The following CEP95 variants were observed in gnomAD, a reference collection of about 807,000 sequenced individuals.
CEP95 encodes centrosomal protein of 95 kDa.
In CEP95, 98 loss-of-function variants were observed where a neutral mutation model predicts 111.2. That is an observed-to-expected ratio of 0.88 (90% CI 0.75 to 1.04). CEP95 has a LOEUF of 1.04. Among genes scored for constraint, CEP95 ranks in the 50% least tolerant of loss-of-function variants. The probability of loss-of-function intolerance (pLI) is 0.00; values close to 1 mark genes in which losing one functional copy is unlikely to be tolerated. For missense variants in CEP95, 1,027 were observed against 977.2 expected, an observed-to-expected ratio of 1.05 and a Z score of -0.68; for synonymous variants, 323 against 327.1, an observed-to-expected ratio of 0.99 and a Z score of 0.14.
chr17:64,524,195 TGGCAG>T (rs1967608391), intron 8 of CEP95, among the ~76,000 whole-genome samples: 2 of 152,194 alleles, frequency 1.3e-5, no homozygotes, highest in Non-Finnish European at 2.9e-5. Flanking sequence ...TTGACCTGGG[TGGCAG>T]TTAAAGGGGA....
At chr17:64,536,413 CA>C (rs1968657831) in intron 17 of CEP95, 188 bp from the exon 18 acceptor site, 2 of 409,308 alleles carry the variant, frequency 4.9e-6, no homozygotes, top group Non-Finnish European at 8.8e-6. Context: ...TGCCCCACTA[CA>C]CTCCAGCCTG....
chr17:64,519,466 T>C (rs782746306), intron 6 of CEP95, 30 bp downstream of exon 6: 18 of 1,457,928 alleles, frequency 1.2e-5, no homozygotes, highest in Admixed American at 3.4e-5. Flanking sequence ...GTATCAGTTA[T>C]TATTCAACAT....
chr17:64,532,327 T>C, intron 14 of CEP95: 1 of 1,101,150 alleles, frequency 9.1e-7, no homozygotes, highest in Non-Finnish European at 1.1e-6. Context: ...TTCTGGGAGG[T>C]TGGTAGAATG....
At chr17:64,531,546 T>A (rs1279440783) in intron 13 of CEP95, among the ~76,000 whole-genome samples, 6 of 152,328 alleles carry the variant, frequency 3.9e-5, no homozygotes, top group African/African-American at 1.2e-4. Flanking sequence ...GAGAATTTTT[T>A]AAATCTACAT....
intron 12 of CEP95, among the ~76,000 whole-genome samples, chr17:64,530,431 A>C (rs1968181246): frequency 6.6e-6 from 1 of 152,072 alleles, no homozygotes; most frequent in African/African-American, 2.4e-5. Flanking sequence ...TCTGAAAGGA[A>C]TTTTTTTAAA....
chr17:64,533,178 A>C lies in CEP95; in HGVS notation c.1904A>C (p.His635Pro), dbSNP rs1555680799. The change falls in exon 16 of 20, where the codon CAT (histidine) becomes CCT (proline). Residue 635 changes from histidine (H) to proline (P), a missense_variant. Physicochemically the swap from His to Pro is moderately conservative, Grantham distance 77. Transcript: ENST00000556440. ...ACCCTTGTCAAGAAAGAATATGAAC[A>C]TAACAAGAGACTGGTATGTCAAGAG... The part of the protein sequence containing the change: ...LTTLVKKEYE[H>P]NKRLQDFKDC... 1.3e-6 allele frequency: 2 copies of C among 1,586,200 alleles called. No individual in the cohort carries two copies. The highest frequency in any genetic ancestry group is 2.0e-5 in the Admixed American group (1 of 49,312).
At position 64,534,666 on chromosome 17, in the gene CEP95, C is replaced by G. The variant is rs782676364; in HGVS notation, c.1999C>G (p.Arg667Gly). Residue 667 changes from arginine (R) to glycine (G), a missense_variant, in exon 17 of 20, where the codon CGA becomes GGA. Transcript: ENST00000556440. ...KENRQQIVRA[R>G]KYYDDYRVQL... ...AAATCGACAGCAAATCGTTCGTGCT[C>G]GAAAATATTATGATGATTATAGAGT... 1 of 1,613,384 alleles carries G rather than the reference C, an allele frequency of 6.2e-7. No individual in the cohort carries two copies. Among genetic ancestry groups the G allele is most frequent in the Non-Finnish European group, 8.5e-7 (1 of 1,179,614 alleles).
In CEP95 at chr17:64,534,621, A is replaced by G. The variant is rs782124781; in HGVS notation, c.1954A>G (p.Thr652Ala). 1.2e-6 allele frequency: 2 copies of G among 1,613,804 alleles called. No individual in the cohort carries two copies. The highest frequency in any genetic ancestry group is 4.5e-5 in the East Asian group (2 of 44,884). ...GGACTGCATTCGTAGGCAAAGGTTGACCCAATCAAAGATAAAAGAAAATCG... is the reference window on the plus strand; with the variant it reads ...GGACTGCATTCGTAGGCAAAGGTTGGCCCAATCAAAGATAAAAGAAAATCG... ...FKDCIRRQRLTQSKIKENRQQ... is the reference protein window; with the variant it reads ...FKDCIRRQRLAQSKIKENRQQ... Residue 652 changes from threonine to alanine, a missense_variant, in exon 17 of 20, where the codon ACC becomes GCC. Transcript: ENST00000556440.
At chr17:64,535,825 TAATG>T (rs1256974531) in intron 17 of CEP95, 3 of 152,246 alleles carry the variant, frequency 2.0e-5, no homozygotes, top group African/African-American at 7.2e-5. Context: ...GTCCATCAGT[TAATG>T]AATGGATAAA....
Position 64,506,984 on chromosome 17 carries a change from G to A in CEP95, c.-114G>A. The stretch of plus-strand genomic sequence containing the variant: ...GTCCTTCTTTCACGCCTCCTTCCCC[G>A]CGCTTTGGTTCGTGCGTCCGCGCCC... On this transcript the variant is annotated 5_prime_UTR_variant, in exon 1 of 20. Transcript: ENST00000556440. 1 of 1,216,758 alleles carries A rather than the reference G, an allele frequency of 8.2e-7. No individual in the cohort carries two copies. The highest frequency in any genetic ancestry group is 1.3e-5 in the South Asian group (1 of 77,260). 75.4% of individuals were successfully genotyped at this position (1,216,758 alleles called of 1,614,324 possible).
intron 5 of CEP95, among the ~76,000 whole-genome samples, chr17:64,518,378 T>C (rs1281386087): frequency 6.6e-6 from 1 of 152,194 alleles, no homozygotes; most frequent in Non-Finnish European, 1.5e-5. Flanking sequence ...GTTTTAAGGC[T>C]AATAATAAAA....
intron 3 of CEP95, among the ~76,000 whole-genome samples, 200 bp from the exon 4 acceptor site, chr17:64,514,048 G>A (rs2039018905): frequency 6.6e-6 from 1 of 152,096 alleles, no homozygotes; most frequent in South Asian, 2.1e-4. Context: ...TAATCAGGCA[G>A]CAGGAAATTG....
intron 12 of CEP95, among the ~76,000 whole-genome samples, chr17:64,530,449 T>C (rs1197037050): frequency 6.6e-6 from 1 of 151,568 alleles, no homozygotes; most frequent in African/African-American, 2.4e-5. Context: ...AAAAAGTGAA[T>C]GAGCTTGATA....
rs536813775 is a variant in CEP95 at position 64,527,152 on chromosome 17, T to G, written c.1194T>G (p.Thr398=). 6.2e-7 allele frequency: 1 copy of G among 1,613,402 alleles called. No homozygotes were observed. Among genetic ancestry groups the G allele is most frequent in the South Asian group, 1.1e-5 (1 of 91,052 alleles). Residue 398 remains threonine, a synonymous_variant, in exon 11 of 20, where the codon ACT becomes ACG. Transcript: ENST00000556440. ...SALGDRIKEK[T]DHKEENTGNE... ...TGGGTGATCGGATTAAAGAAAAGAC[T>G]GACCATAAAGAAGAAAATACTGGAA...
Position 64,527,115 on chromosome 17 carries a change from TA to T in CEP95, c.1162del (p.Ser388ValfsTer23). 1 of 1,610,572 alleles carries T rather than the reference TA, an allele frequency of 6.2e-7. No individual in the cohort carries two copies. Among genetic ancestry groups the T allele is most frequent in the East Asian group, 2.2e-5 (1 of 44,826 alleles). ...TGAAAAGAATTTTCTCAATAGATGT[TA>T]AAAAGTGCTCTGGGTGATCGGATTA... ...SQRLSELDWM[L>X]KSALGDRIKE... On this transcript the variant is annotated frameshift_variant, in exon 11 of 20. Transcript: ENST00000556440. LOFTEE classifies it high-confidence loss of function.
intron 1 of CEP95, chr17:64,507,484 T>C (rs1171145532): frequency 8.1e-7 from 1 of 1,235,622 alleles, no homozygotes; most frequent in Non-Finnish European, 1.0e-6. Flanking sequence ...GTACCTGCTT[T>C]TGTATTGGTC....
chr17:64,537,577 C>T (rs370258669), intron 19 of CEP95, 26 bp from the exon 20 acceptor site: 278 of 1,559,396 alleles, frequency 1.8e-4, no homozygotes, highest in Non-Finnish European at 2.2e-4. Flanking sequence ...CTGTGAACAG[C>T]GGGATGACAT....
At chr17:64,534,414 A>AGAT (rs1968503706) in intron 16 of CEP95, 171 bp from the exon 17 acceptor site, 1 of 582,588 alleles carries the variant, frequency 1.7e-6, no homozygotes, top group Non-Finnish European at 3.1e-6. Context: ...GCTGCTCTTC[A>AGAT]GATTGAGGTG....
intron 17 of CEP95, chr17:64,535,789 G>A (rs1968612387): frequency 6.6e-6 from 1 of 152,144 alleles, no homozygotes; most frequent in Non-Finnish European, 1.5e-5. Context: ...ACTTATAATA[G>A]CCTAAAAGGG....
Sources: allele counts gnomAD v4.1 joint callset (sites outside exome capture counted in the v4.1 genomes callset), GRCh38; gene constraint gnomAD v4.1.1; transcripts MANE v1.5; gene names NCBI Gene and HGNC (gene_info 2026-07-23, HGNC 2026-07-21).